TGFBI: variants seen among roughly 807,000 people sequenced by gnomAD.
The protein encoded by TGFBI is transforming growth factor beta induced, also known as transforming growth factor-beta-induced protein ig-h3.
A neutral mutation model predicts 73.7 loss-of-function variants in TGFBI; 50 were observed. The observed-to-expected ratio is 0.68, with a 90% CI of 0.54 to 0.86. The LOEUF is 0.86. Ranked by LOEUF, TGFBI falls within the 40% of genes least tolerant of loss-of-function variation. The pLI is 0.00. For missense variants in TGFBI, 839 were observed against 877.0 expected (o/e 0.96, Z 0.55); for synonymous variants, 362 against 360.5 (o/e 1.00, Z -0.05).
At chr5:136,061,331 C>T in intron 14 of TGFBI, 169 bp from the exon 15 acceptor site, 1 of 632,980 alleles carries the variant, frequency 1.6e-6, no homozygotes, top group Non-Finnish European at 2.8e-6. Context: ...TTTCTTGGTG[C>T]TCTCTCCCCA....
At chr5:136,041,633 C>G (rs961722891) in intron 2 of TGFBI, among the ~76,000 whole-genome samples, 5 of 152,126 alleles carry the variant, frequency 3.3e-5, no homozygotes, top group African/African-American at 2.4e-5. Flanking sequence ...CCCTCAGAAC[C>G]CTTACAGCTT....
intron 12 of TGFBI, chr5:136,058,711 G>A (rs1019299986): frequency 2.4e-5 from 4 of 166,552 alleles, no homozygotes; most frequent in East Asian, 1.7e-4. Flanking sequence ...CCCAGATGCC[G>A]GTGCTGGAAA....
At chr5:136,048,600 C>G (rs1751477986) in intron 6 of TGFBI, 1 of 152,248 alleles carries the variant, frequency 6.6e-6, no homozygotes, top group Non-Finnish European at 1.5e-5. Flanking sequence ...TCGGGAGTGA[C>G]AGTAGTGCAG....
intron 2 of TGFBI, among the ~76,000 whole-genome samples, chr5:136,036,117 C>A (rs1174766061): frequency 6.6e-6 from 1 of 152,156 alleles, no homozygotes; most frequent in Non-Finnish European, 1.5e-5. Flanking sequence ...AGGTCAACCC[C>A]TCGGGGGCAG....
intron 15 of TGFBI, 162 bp downstream of exon 15, chr5:136,061,741 C>T (rs950993360): frequency 8.6e-6 from 6 of 696,034 alleles, no homozygotes; most frequent in Non-Finnish European, 1.6e-5. Context: ...CAGCCTGTGT[C>T]AAATTCAGAG....
intron 7 of TGFBI, 141 bp downstream of exon 7, chr5:136,049,721 C>T (rs1751499329): frequency 1.0e-6 from 1 of 991,494 alleles, no homozygotes; most frequent in Non-Finnish European, 1.5e-6. Flanking sequence ...TGGGGTCATC[C>T]TGTCCTGTTG....
chr5:136,048,139 C>T (rs967520060), intron 6 of TGFBI: 1 of 152,232 alleles, frequency 6.6e-6, no homozygotes, highest in African/African-American at 2.4e-5. Flanking sequence ...CACAGAGAGA[C>T]AAACACGCTG....
chr5:136,060,786 G>A, intron 13 of TGFBI, 48 bp from the exon 14 acceptor site: 2 of 1,347,958 alleles, frequency 1.5e-6, no homozygotes, highest in African/African-American at 1.5e-5. Flanking sequence ...ATATATAAAT[G>A]TATAAATAAA....
chr5:136,041,153 G>A (rs1356550236), intron 2 of TGFBI, among the ~76,000 whole-genome samples: 5 of 152,244 alleles, frequency 3.3e-5, no homozygotes, highest in Non-Finnish European at 1.5e-5. Context: ...GCTGCACTGG[G>A]GCTGAAGGCG....
chr5:136,049,270 C>G (rs1265804648), intron 6 of TGFBI, 169 bp from the exon 7 acceptor site: 2 of 828,166 alleles, frequency 2.4e-6, no homozygotes, highest in East Asian at 5.5e-5. Flanking sequence ...CCCAGCAAGG[C>G]CCCCTGGGGG....
chr5:136,050,711 A>G (rs1012291788), intron 7 of TGFBI, among the ~76,000 whole-genome samples: 1 of 152,228 alleles, frequency 6.6e-6, no homozygotes, highest in Non-Finnish European at 1.5e-5. Flanking sequence ...TCAATGTGCT[A>G]TATAAAATGT....
chr5:136,063,304 T>C lies in TGFBI; in HGVS notation c.*78T>C, dbSNP rs1751783551. On this transcript the variant is annotated 3_prime_UTR_variant, in exon 17 of 17. Transcript: ENST00000442011. ...CAGATTTCCACAGAGACTGTTTGAA[T>C]GTTTTCAAAACCAAGTATCACACTT... is the stretch of plus-strand genomic sequence containing the variant. 8.0e-6 allele frequency: 11 copies of C among 1,372,908 alleles called. No homozygotes were observed. Among genetic ancestry groups the C allele is most frequent in the Middle Eastern group, 1.8e-4 (1 of 5,670 alleles). The allele number at this position is 1,372,908 out of a possible 1,614,324, so 85.0% of individuals were successfully genotyped here.
Position 136,037,824 on chromosome 5 carries a change from G to A in TGFBI, c.233+3963G>A, listed in dbSNP as rs45547641. ...TAAAGAGATCAGCTGGTGCATGGTC[G>A]AGCTTTTCCATCAGCTGGCAGGGCT... On this transcript the variant is annotated intron_variant, in intron 2 of 16. Transcript: ENST00000442011. Among the ~76,000 whole-genome samples, 35 of 152,276 alleles carry A rather than the reference G, an allele frequency of 2.3e-4. 1 individual carries two copies. In the Middle Eastern group the frequency reaches 0.017, roughly 74 times the overall value.
In TGFBI at chr5:136,046,714, C is replaced by A. The variant is rs529274227; in HGVS notation, c.460-137C>A. 9 of 1,288,186 alleles carry A rather than the reference C, an allele frequency of 7.0e-6. No homozygotes were observed. In the East Asian group the frequency reaches 2.0e-4, roughly 29 times the overall value. 79.8% of individuals were successfully genotyped at this position (1,288,186 alleles called of 1,614,324 possible). ...CCTACTGGGCAGAAAGACTTGGGTGCTTCCTGAGGAGGGATCCTTGGCAGA... is the reference window on the plus strand; with the variant it reads ...CCTACTGGGCAGAAAGACTTGGGTGATTCCTGAGGAGGGATCCTTGGCAGA... On this transcript the variant is annotated intron_variant, in intron 4 of 16. Coordinates refer to ENST00000442011, the MANE Select transcript of TGFBI (RefSeq NM_000358.3).
chr5:136,059,759 C>T (rs1234426692), intron 13 of TGFBI, among the ~76,000 whole-genome samples: 2 of 152,240 alleles, frequency 1.3e-5, no homozygotes, highest in Non-Finnish European at 2.9e-5. Context: ...CCACTGACCC[C>T]TCTGTGGAGG....
At chr5:136,036,832 G>C (rs1202662424) in intron 2 of TGFBI, among the ~76,000 whole-genome samples, 1 of 152,200 alleles carries the variant, frequency 6.6e-6, no homozygotes. Context: ...CAGAGAAGGA[G>C]GCTGGAGCAG....
At position 136,028,988 on chromosome 5, in the gene TGFBI, C is replaced by G. The variant is rs1751053037; in HGVS notation, c.-68C>G. The G allele has an allele frequency of 6.7e-7, 1 of 1,494,400 alleles. No individual in the cohort carries two copies. The highest frequency in any genetic ancestry group is 8.9e-7 in the Non-Finnish European group (1 of 1,128,582). The allele number at this position is 1,494,400 out of a possible 1,614,324, so 92.6% of individuals were successfully genotyped here. A position where few individuals can be genotyped will look rare whatever the true frequency, so the allele number is the denominator to read the frequency against. On this transcript the variant is annotated 5_prime_UTR_variant, in exon 1 of 17. Transcript: ENST00000442011. ...ACCTGGCCCGGGCGGCGGAGGCGCTCTCACTTCCCTGGAGCCGCCCGCTTG... is the reference window on the plus strand; with the variant it reads ...ACCTGGCCCGGGCGGCGGAGGCGCTGTCACTTCCCTGGAGCCGCCCGCTTG...
chr5:136,059,721 G>A (rs76629798), intron 13 of TGFBI, among the ~76,000 whole-genome samples: 5,683 of 152,292 alleles, frequency 0.037, 201 homozygotes, highest in East Asian at 0.16. Context: ...CCGAGCTCCA[G>A]AAATCTCCCT....
chr5:136,055,114 T>C (rs1386562549), intron 10 of TGFBI: 1 of 467,028 alleles, frequency 2.1e-6, no homozygotes, highest in African/African-American at 1.9e-5. Context: ...AAGTCCTTCT[T>C]GAATTCAGGA....
Sources: allele counts gnomAD v4.1 joint callset (sites outside exome capture counted in the v4.1 genomes callset), GRCh38; gene constraint gnomAD v4.1.1; transcripts MANE v1.5; gene names NCBI Gene and HGNC (gene_info 2026-07-23, HGNC 2026-07-21).